Variants in FOXJ3 observed in about 807,000 individuals in gnomAD.
FOXJ3 encodes the protein forkhead box protein J3.
In FOXJ3, 22 loss-of-function variants were observed where a neutral mutation model predicts 76.1. The observed-to-expected ratio is 0.29, with a 90% CI of 0.21 to 0.41. FOXJ3 has a LOEUF of 0.41. Among genes scored for constraint, FOXJ3 ranks in the 10% least tolerant of loss-of-function variants. FOXJ3 has a pLI of 1.00. For synonymous variants in FOXJ3, 269 were observed against 261.2 expected, an observed-to-expected ratio of 1.03 and a Z score of -0.29; for missense variants, 613 against 762.1, an observed-to-expected ratio of 0.80 and a Z score of 2.30.
chr1:42,184,732 G>T (rs1646399984), intron 11 of FOXJ3, among the ~76,000 whole-genome samples: 1 of 152,090 alleles, frequency 6.6e-6, no homozygotes. Context: ...CTGAGTAGTG[G>T]TGCCATTTAA....
intron 5 of FOXJ3, among the ~76,000 whole-genome samples, chr1:42,214,570 T>C (rs1055051269): frequency 6.6e-6 from 1 of 152,146 alleles, no homozygotes; most frequent in Non-Finnish European, 1.5e-5. Flanking sequence ...CTATAAAGTA[T>C]TATGGTGAGA....
intron 4 of FOXJ3, among the ~76,000 whole-genome samples, chr1:42,249,787 G>A (rs1444400039): frequency 6.6e-6 from 1 of 152,072 alleles, no homozygotes; most frequent in African/African-American, 2.4e-5. Flanking sequence ...TCAATACATA[G>A]ACAGCTACAT....
At chr1:42,264,620 C>T (rs1651328040) in intron 4 of FOXJ3, among the ~76,000 whole-genome samples, 1 of 151,330 alleles carries the variant, frequency 6.6e-6, no homozygotes, top group Non-Finnish European at 1.5e-5. Context: ...ATTAAAACAA[C>T]AAAAAAAGGG....
intron 1 of FOXJ3, among the ~76,000 whole-genome samples, chr1:42,324,068 A>ACT (rs1553170554): frequency 4.0e-5 from 4 of 100,670 alleles, no homozygotes; most frequent in South Asian, 3.5e-4. Flanking sequence ...GTATATACAC[A>ACT]GTGTATATAT....
At chr1:42,332,453 T>C (rs2124799982) in intron 1 of FOXJ3, among the ~76,000 whole-genome samples, 1 of 152,308 alleles carries the variant, frequency 6.6e-6, no homozygotes, top group East Asian at 1.9e-4. Context: ...TGTCATACAG[T>C]AAGTAAATGT....
rs183996332 is a variant in FOXJ3, at chr1:42,277,932, G to A, written c.369+416C>T. Among the ~76,000 whole-genome samples, 549 of 143,066 alleles carry A rather than the reference G, an allele frequency of 3.8e-3. 4 individuals carry two copies. Among genetic ancestry groups the A allele is most frequent in the Admixed American group, 8.4e-3 (117 of 13,954 alleles). 93.9% of individuals were successfully genotyped at this position (143,066 alleles called of 152,430 possible). A position where few individuals can be genotyped will look rare whatever the true frequency, so the allele number is the denominator to read the frequency against. The stretch of plus-strand genomic sequence containing the variant: ...GCGAAGCTTGCAGTGAGCCAAGATC[G>A]CGCCACTGCACTCCAGCCTAGGCGT... On this transcript the variant is annotated intron_variant, in intron 3 of 12. Transcript: ENST00000361346.
chr1:42,272,133 T>C (rs891701920), intron 3 of FOXJ3, among the ~76,000 whole-genome samples: 1 of 152,232 alleles, frequency 6.6e-6, no homozygotes, highest in African/African-American at 2.4e-5. Flanking sequence ...GTCCTCTGTG[T>C]TGCATCAGTT....
intron 3 of FOXJ3, among the ~76,000 whole-genome samples, chr1:42,277,909 G>A (rs535290985): frequency 6.8e-6 from 1 of 146,550 alleles, no homozygotes; most frequent in East Asian, 2.0e-4. Flanking sequence ...CCCAGAAGGC[G>A]AAGCTTGCAG....
intron 5 of FOXJ3, among the ~76,000 whole-genome samples, chr1:42,224,230 T>C (rs952727418): frequency 9.9e-5 from 15 of 152,182 alleles, no homozygotes; most frequent in African/African-American, 3.1e-4. Flanking sequence ...TAAACTGAAA[T>C]TTTATTCAAT....
At chr1:42,191,232 G>A in intron 9 of FOXJ3, 71 bp downstream of exon 9, 2 of 1,404,712 alleles carry the variant, frequency 1.4e-6, no homozygotes. Context: ...AATACTACAT[G>A]AGCTCTAAAT....
intron 5 of FOXJ3, among the ~76,000 whole-genome samples, chr1:42,214,686 G>C (rs1010595051): frequency 2.0e-5 from 3 of 152,240 alleles, no homozygotes; most frequent in African/African-American, 7.2e-5. Context: ...TTTTGCTGCA[G>C]CTTTGCCCCA....
chr1:42,218,868 C>G (rs2124406131), intron 5 of FOXJ3, among the ~76,000 whole-genome samples: 1 of 152,310 alleles, frequency 6.6e-6, no homozygotes, highest in East Asian at 1.9e-4. Flanking sequence ...CCACAGTAGC[C>G]TCCTTGTTGT....
At chr1:42,324,385 T>C (rs1557726791) in intron 1 of FOXJ3, among the ~76,000 whole-genome samples, 1 of 147,176 alleles carries the variant, frequency 6.8e-6, no homozygotes, top group African/African-American at 2.5e-5. Context: ...ATATATAACA[T>C]ATAAATACTA....
chr1:42,317,985 A>T (rs999308371), intron 1 of FOXJ3, among the ~76,000 whole-genome samples: 2 of 152,212 alleles, frequency 1.3e-5, no homozygotes, highest in Non-Finnish European at 2.9e-5. Context: ...TTATATTCCC[A>T]AAACCTAGTA....
At chr1:42,317,760 G>T (rs1655206421) in intron 1 of FOXJ3, among the ~76,000 whole-genome samples, 1 of 152,070 alleles carries the variant, frequency 6.6e-6, no homozygotes, top group Non-Finnish European at 1.5e-5. Flanking sequence ...TTAGCTACAA[G>T]TTGTATTAAA....
chr1:42,266,598 C>A (rs536024767), intron 3 of FOXJ3, among the ~76,000 whole-genome samples: 2 of 152,140 alleles, frequency 1.3e-5, no homozygotes, highest in East Asian at 3.9e-4. Flanking sequence ...AACAAGAACC[C>A]CAGACACGAG....
rs1649458435 is a variant in FOXJ3 at position 42,245,213 on chromosome 1, G to C, written c.445-17247C>G. ...AGTCTCCCAACAAAGAAAAGCCCAA[G>C]ATTACAAAGCCTTCACTGCCGAATT... On this transcript the variant is annotated intron_variant, in intron 4 of 12. Transcript: ENST00000361346. Among the ~76,000 whole-genome samples the C allele has an allele frequency of 2.0e-5, 3 of 147,270 alleles. No homozygotes were observed. In the South Asian group the frequency reaches 6.6e-4, roughly 32 times the overall value.
chr1:42,296,965 T>C (rs75945058), intron 2 of FOXJ3, among the ~76,000 whole-genome samples: 1 of 152,240 alleles, frequency 6.6e-6, no homozygotes, highest in South Asian at 2.1e-4. Context: ...GTTTGTGTCA[T>C]CTGCAATTTC....
chr1:42,231,737 A>G (rs1648138876), intron 4 of FOXJ3, among the ~76,000 whole-genome samples: 1 of 152,086 alleles, frequency 6.6e-6, no homozygotes, highest in South Asian at 2.1e-4. Context: ...TGACCTCCAA[A>G]GCTGAAGTGA....
Sources: allele counts gnomAD v4.1 joint callset (sites outside exome capture counted in the v4.1 genomes callset), GRCh38; gene constraint gnomAD v4.1.1; transcripts MANE v1.5; gene names NCBI Gene and HGNC (gene_info 2026-07-23, HGNC 2026-07-21).